ADAM22: variants seen among roughly 807,000 people sequenced by gnomAD.
The protein encoded by ADAM22 is ADAM metallopeptidase domain 22.
Under a neutral mutation model 144.6 loss-of-function variants are expected in ADAM22, and 65 were observed. The ratio of observed to expected loss-of-function variants is 0.45; its 90% CI spans 0.37 to 0.55. ADAM22 has a LOEUF of 0.55. ADAM22 is among the 20% of genes least tolerant of loss of function. The probability of loss-of-function intolerance (pLI) is 0.00; values close to 1 mark genes in which losing one functional copy is unlikely to be tolerated. For missense variants in ADAM22, 974 were observed against 1,184.9 expected (o/e 0.82, Z 2.61); for synonymous variants, 391 against 412.6 (o/e 0.95, Z 0.63).
chr7:88,150,405 T>C (rs1837995839), intron 18 of ADAM22, among the ~76,000 whole-genome samples: 1 of 152,246 alleles, frequency 6.6e-6, no homozygotes, highest in African/African-American at 2.4e-5. Flanking sequence ...TATTGCCTTA[T>C]AATTTTTCAT....
chr7:88,103,869 A>C (rs142952864), intron 4 of ADAM22, among the ~76,000 whole-genome samples: 1 of 152,318 alleles, frequency 6.6e-6, no homozygotes, highest in East Asian at 1.9e-4. Context: ...TTACTGAAAT[A>C]GATAATTTTT....
chr7:88,142,908 G>A, intron 14 of ADAM22, 118 bp from the exon 15 acceptor site: 2 of 592,808 alleles, frequency 3.4e-6, no homozygotes, highest in Non-Finnish European at 6.1e-6. Context: ...TCATACATAA[G>A]TAGACTTTAT....
At chr7:88,105,312 G>T (rs575069280) in intron 4 of ADAM22, among the ~76,000 whole-genome samples, 10 of 152,104 alleles carry the variant, frequency 6.6e-5, no homozygotes, top group Non-Finnish European at 1.2e-4. Context: ...GGTCTGATTC[G>T]GTTAGTCACT....
intron 5 of ADAM22, among the ~76,000 whole-genome samples, chr7:88,110,210 C>T (rs992173022): frequency 1.3e-5 from 2 of 152,152 alleles, no homozygotes; most frequent in Admixed American, 6.5e-5. Flanking sequence ...GAAAAAGAAA[C>T]ATTGAAGTCC....
At chr7:88,129,421 T>A (rs1213367869) in intron 9 of ADAM22, among the ~76,000 whole-genome samples, 3 of 152,000 alleles carry the variant, frequency 2.0e-5, no homozygotes, top group Non-Finnish European at 4.4e-5. Flanking sequence ...AAATGATCAT[T>A]TATTTATGTA....
chr7:88,136,145 A>C, intron 14 of ADAM22, 114 bp downstream of exon 14: 1 of 855,336 alleles, frequency 1.2e-6, no homozygotes, highest in Non-Finnish European at 1.7e-6. Flanking sequence ...CTTATAAAAT[A>C]TTTTTGCAAA....
chr7:88,019,963 G>A (rs1424256885), intron 3 of ADAM22, among the ~76,000 whole-genome samples: 2 of 151,384 alleles, frequency 1.3e-5, no homozygotes, highest in Non-Finnish European at 1.5e-5. Flanking sequence ...CTACATTAGT[G>A]TTCTGTCATC....
At chr7:88,073,477 T>C (rs1208769624) in intron 3 of ADAM22, among the ~76,000 whole-genome samples, 1 of 152,172 alleles carries the variant, frequency 6.6e-6, no homozygotes, top group Non-Finnish European at 1.5e-5. Context: ...TGCCCTGATG[T>C]CAGATGGGAA....
intron 22 of ADAM22, among the ~76,000 whole-genome samples, chr7:88,157,760 A>G (rs1355267899): frequency 6.6e-6 from 1 of 152,184 alleles, no homozygotes; most frequent in African/African-American, 2.4e-5. Flanking sequence ...ATGAATTAAG[A>G]GTAGAAAATG....
At chr7:88,040,332 A>T (rs770418683) in intron 3 of ADAM22, among the ~76,000 whole-genome samples, 4 of 151,808 alleles carry the variant, frequency 2.6e-5, no homozygotes, top group Non-Finnish European at 5.9e-5. Context: ...AGGTTTCACC[A>T]TGTTGGCCAG....
intron 2 of ADAM22, among the ~76,000 whole-genome samples, chr7:87,965,788 T>C (rs1848918546): frequency 6.6e-6 from 1 of 152,336 alleles, no homozygotes; most frequent in African/African-American, 2.4e-5. Context: ...TATTTGGACA[T>C]GGCTTACTCC....
At chr7:88,112,955 T>A (rs1227266196) in intron 5 of ADAM22, among the ~76,000 whole-genome samples, 1 of 152,050 alleles carries the variant, frequency 6.6e-6, no homozygotes, top group Non-Finnish European at 1.5e-5. Context: ...CCTGGCCTCA[T>A]GTGATTTCCC....
Position 88,132,852 on chromosome 7 carries a change from T to C in ADAM22, c.993-15T>C, listed in dbSNP as rs1271929318. 1.2e-6 allele frequency: 2 copies of C among 1,611,900 alleles called. No individual in the cohort carries two copies. Among genetic ancestry groups the C allele is most frequent in the Admixed American group, 1.7e-5 (1 of 59,974 alleles). On this transcript the variant is annotated splice_polypyrimidine_tract_variant and intron_variant, in intron 11 of 31. Coordinates refer to ENST00000413139, the MANE Select transcript of ADAM22 (RefSeq NM_001324418.2). ...ACTGTGAACAGTAAGCATTTTTCAT[T>C]TCCTTTTCTAAAAGGGGAAGTCAAT... is the stretch of plus-strand genomic sequence containing the variant.
chr7:87,949,528 G>C (rs1844514975), intron 2 of ADAM22, among the ~76,000 whole-genome samples: 1 of 152,142 alleles, frequency 6.6e-6, no homozygotes, highest in Admixed American at 6.6e-5. Flanking sequence ...TCGCTGCCTG[G>C]AGCTGCATTT....
At chr7:88,182,253 C>T (rs1206252298) in intron 29 of ADAM22, 7 of 451,434 alleles carry the variant, frequency 1.6e-5, no homozygotes, top group Middle Eastern at 5.8e-4. Flanking sequence ...GTCTCACCTG[C>T]AGGCTTTTTC....
At chr7:87,986,368 G>A (rs1033483423) in intron 3 of ADAM22, among the ~76,000 whole-genome samples, 4 of 152,178 alleles carry the variant, frequency 2.6e-5, no homozygotes, top group Admixed American at 2.0e-4. Context: ...TGGCTGCAAA[G>A]TCCAGAGCAA....
chr7:87,938,940 C>T lies in ADAM22; in HGVS notation c.246+3754C>T, dbSNP rs78178891. Among the ~76,000 whole-genome samples, 1,060 of 152,296 alleles carry T rather than the reference C, an allele frequency of 7.0e-3. 12 individuals carry two copies. The highest frequency in any genetic ancestry group is 0.024 in the African/African-American group (997 of 41,552). On this transcript the variant is annotated intron_variant, in intron 2 of 31. Coordinates refer to ENST00000413139, the MANE Select transcript of ADAM22 (RefSeq NM_001324418.2). ...CTGGGATTACAGGCGTGAACCACCG[C>T]GGCTGGCCTAAAAGGCATTTATTTA... is the stretch of plus-strand genomic sequence containing the variant.
At chr7:88,043,971 A>G (rs1803832657) in intron 3 of ADAM22, among the ~76,000 whole-genome samples, 1 of 152,228 alleles carries the variant, frequency 6.6e-6, no homozygotes, top group African/African-American at 2.4e-5. Flanking sequence ...ATCTGTTTTT[A>G]TAAATGTGTG....
chr7:88,137,945 A>G (rs1184303223), intron 14 of ADAM22, among the ~76,000 whole-genome samples: 1 of 152,122 alleles, frequency 6.6e-6, no homozygotes, highest in East Asian at 1.9e-4. Flanking sequence ...CTTGAGCCCA[A>G]GAGTTTGAGA....
Sources: gnomAD v4.1 joint callset for allele counts (sites outside exome capture counted in the v4.1 genomes callset) on GRCh38, gnomAD v4.1.1 for gene constraint, MANE v1.5 for transcripts, NCBI Gene and HGNC (gene_info 2026-07-23, HGNC 2026-07-21) for gene names.